The following FBXL13 variants were observed in gnomAD, a reference collection of about 807,000 sequenced individuals.
The protein encoded by FBXL13 is F-box and leucine rich repeat protein 13.
A neutral mutation model predicts 83.6 loss-of-function variants in FBXL13; 67 were observed. That is an observed-to-expected ratio of 0.80 (90% CI 0.66 to 0.98). The LOEUF is 0.98. Among genes scored for constraint, FBXL13 ranks in the 50% least tolerant of loss-of-function variants. The pLI is 0.00. For synonymous variants in FBXL13, 272 were observed against 299.5 expected (o/e 0.91, Z 0.95); for missense variants, 822 against 866.5 (o/e 0.95, Z 0.64).
At chr7:102,977,181 C>T (rs1827597063) in intron 6 of FBXL13, among the ~76,000 whole-genome samples, 1 of 152,154 alleles carries the variant, frequency 6.6e-6, no homozygotes, top group Admixed American at 6.5e-5. Context: ...GAGGATGGTT[C>T]ATGGGGTTAT....
chr7:102,973,422 G>A, intron 6 of FBXL13: 4 of 706,768 alleles, frequency 5.7e-6, no homozygotes, highest in South Asian at 4.4e-5. Context: ...CCACATAGCA[G>A]TTACATCAGA....
At chr7:102,898,861 C>A (rs1189636902) in intron 11 of FBXL13, among the ~76,000 whole-genome samples, 1 of 152,078 alleles carries the variant, frequency 6.6e-6, no homozygotes, top group Non-Finnish European at 1.5e-5. Flanking sequence ...GTAAGGCTCT[C>A]CCTAAAGCAC....
intron 6 of FBXL13, among the ~76,000 whole-genome samples, chr7:103,000,745 T>A (rs1365941133): frequency 6.6e-6 from 1 of 152,236 alleles, no homozygotes; most frequent in Non-Finnish European, 1.5e-5. Context: ...TATTAATGTT[T>A]GCTTTACATA....
chr7:102,928,507 G>A (rs1818554729), intron 9 of FBXL13, among the ~76,000 whole-genome samples: 1 of 152,132 alleles, frequency 6.6e-6, no homozygotes, highest in South Asian at 2.1e-4. Flanking sequence ...GTAAAATGTA[G>A]CTGGATAAAA....
At chr7:102,877,668 A>G in intron 15 of FBXL13, 75 bp from the exon 17 acceptor site, 1 of 1,475,038 alleles carries the variant, frequency 6.8e-7, no homozygotes, top group Middle Eastern at 2.2e-4. Context: ...TATAAAAACT[A>G]TCTTGGGAAA....
At chr7:102,887,552 T>C (rs1321216661) in intron 11 of FBXL13, among the ~76,000 whole-genome samples, 2 of 152,178 alleles carry the variant, frequency 1.3e-5, no homozygotes, top group Non-Finnish European at 2.9e-5. Context: ...GAAATTGGTA[T>C]ACCAGGCTGG....
chr7:102,872,282 T>C (rs1808625666), intron 16 of FBXL13, among the ~76,000 whole-genome samples: 1 of 152,176 alleles, frequency 6.6e-6, no homozygotes, highest in Non-Finnish European at 1.5e-5. Context: ...TTACTCACAT[T>C]TGTTAATCCT....
chr7:102,973,591 G>A (rs1827019817), intron 6 of FBXL13: 1 of 765,682 alleles, frequency 1.3e-6, no homozygotes, highest in Non-Finnish European at 2.4e-6. Context: ...ACTCTCAAGA[G>A]TTTGAACGGA....
At chr7:102,963,570 A>C (rs557521760) in exon 8 of FBXL13, 1 of 1,613,200 alleles carries the variant, frequency 6.2e-7, no homozygotes, top group South Asian at 1.1e-5. Flanking sequence ...GAAGACAACC[A>C]CGAAAATTCA....
intron 2 of FBXL13, among the ~76,000 whole-genome samples, chr7:103,032,617 T>G (rs182089298): frequency 3.3e-5 from 5 of 152,224 alleles, no homozygotes; most frequent in East Asian, 1.9e-4. Flanking sequence ...AGAAAAAAAG[T>G]TTTAGTTTTT....
chr7:102,931,980 T>C (rs1819266482), intron 8 of FBXL13, 47 bp from the exon 10 acceptor site: 2 of 1,570,666 alleles, frequency 1.3e-6, no homozygotes, highest in African/African-American at 2.7e-5. Context: ...TTGCAAATGT[T>C]TAAACAAAGT....
At chr7:102,859,283 G>A (rs369778464) in intron 16 of FBXL13, among the ~76,000 whole-genome samples, 2 of 152,250 alleles carry the variant, frequency 1.3e-5, no homozygotes, top group East Asian at 3.9e-4. Context: ...AATCGAGCCG[G>A]CAGAGATGAG....
At chr7:102,943,417 A>T (rs1821851859) in intron 8 of FBXL13, among the ~76,000 whole-genome samples, 2 of 152,202 alleles carry the variant, frequency 1.3e-5, no homozygotes, top group Admixed American at 6.5e-5. Context: ...TAATCAAGGG[A>T]AAAGCTTTGA....
rs1241650514 is a variant in FBXL13, at chr7:102,868,076, A to G, written c.1635+9391T>C. Reference sequence around the variant, plus strand: ...TTTATGGGATACAGTGTGATGTTTCAACACATGTAGACATTGTGTAATGAT... The same window carrying G: ...TTTATGGGATACAGTGTGATGTTTCGACACATGTAGACATTGTGTAATGAT... On this transcript the variant is annotated intron_variant, in intron 16 of 19. Coordinates refer to ENST00000313221, the Ensembl canonical transcript of FBXL13. Among the ~76,000 whole-genome samples the G allele has an allele frequency of 3.9e-5, 6 of 152,110 alleles. No individual in the cohort carries two copies. The East Asian group carries it at 9.6e-4, about 24-fold the overall frequency.
At chr7:102,851,131 A>C (rs12666764) in intron 17 of FBXL13, among the ~76,000 whole-genome samples, 29,229 of 151,974 alleles carry the variant, frequency 0.19, 3,076 homozygotes, top group East Asian at 0.43. Context: ...GTAATTTTTT[A>C]TTCTTACTAC....
At chr7:102,963,436 T>A in intron 8 of FBXL13, 97 bp downstream of exon 9, 1 of 1,445,078 alleles carries the variant, frequency 6.9e-7, no homozygotes, top group Non-Finnish European at 9.4e-7. Context: ...GACCTAAAAC[T>A]GTCACTGAAG....
chr7:102,923,560 C>T (rs1040304334), intron 10 of FBXL13, among the ~76,000 whole-genome samples: 1 of 152,156 alleles, frequency 6.6e-6, no homozygotes, highest in Non-Finnish European at 1.5e-5. Flanking sequence ...CGGTGGCTCA[C>T]GCTTGTAATC....
intron 17 of FBXL13, 115 bp downstream of exon 18, chr7:102,854,662 A>G (rs1313737685): frequency 1.7e-6 from 1 of 582,108 alleles, no homozygotes; most frequent in African/African-American, 1.9e-5. Context: ...AAAGTGATTT[A>G]TATTTTGCAA....
intron 8 of FBXL13, among the ~76,000 whole-genome samples, chr7:102,936,803 C>T (rs183480766): frequency 2.5e-4 from 37 of 150,070 alleles, no homozygotes; most frequent in Non-Finnish European, 3.3e-4. Context: ...ACTTCTACAA[C>T]GAGACTACAC....
Sources: gnomAD v4.1 joint callset for allele counts (sites outside exome capture counted in the v4.1 genomes callset) on GRCh38, gnomAD v4.1.1 for gene constraint, MANE v1.5 for transcripts, NCBI Gene and HGNC (gene_info 2026-07-23, HGNC 2026-07-21) for gene names.